Variants in GPR89B observed in about 807,000 individuals in gnomAD.
GPR89B encodes the protein G protein-coupled receptor 89B.
GPR89B carries 25 observed loss-of-function variants against 52.4 expected under a neutral mutation model. That is an observed-to-expected ratio of 0.48 (90% CI 0.35 to 0.67). The LOEUF is 0.67. Ranked by LOEUF, GPR89B falls within the 30% of genes least tolerant of loss-of-function variation. The pLI, the probability that GPR89B is intolerant of heterozygous loss-of-function variation, is 0.01. For synonymous variants in GPR89B, 52 were observed against 151.2 expected, an observed-to-expected ratio of 0.34 and a Z score of 4.81; for missense variants, 146 against 450.2, an observed-to-expected ratio of 0.32 and a Z score of 6.11.
intron 7 of GPR89B, among the ~76,000 whole-genome samples, chr1:147,958,258 G>A (rs1363407654): frequency 1.7e-3 from 264 of 152,122 alleles, no homozygotes; most frequent in Non-Finnish European, 3.1e-3. Flanking sequence ...AAAAAATAGA[G>A]CAAGATTATT....
chr1:147,949,379 T>G (rs868918826), intron 5 of GPR89B, among the ~76,000 whole-genome samples: 5 of 129,858 alleles, frequency 3.9e-5, no homozygotes, highest in Non-Finnish European at 6.6e-5. Context: ...GGTGGCTGGC[T>G]GGGCGGGGGG....
At chr1:148,003,569 G>A in the GPR89B span, among the ~76,000 whole-genome samples, 7 of 152,102 alleles carry the variant, frequency 4.6e-5, no homozygotes, top group East Asian at 1.9e-4. Context: ...CCAGGATACC[G>A]TTGCCCAGAT....
chr1:148,019,564 A>T, the GPR89B span, among the ~76,000 whole-genome samples: 2 of 151,982 alleles, frequency 1.3e-5, no homozygotes, highest in African/African-American at 2.4e-5. Context: ...CATCCTGCAC[A>T]TGTACCCTGA....
intron 10 of GPR89B, among the ~76,000 whole-genome samples, chr1:147,976,149 C>G (rs1657809101): frequency 6.6e-6 from 1 of 152,092 alleles, no homozygotes; most frequent in African/African-American, 2.4e-5. Context: ...GTAGAGAGTT[C>G]TGTAGATATC....
At chr1:147,980,836 A>G (rs1443912664) in intron 10 of GPR89B, among the ~76,000 whole-genome samples, 1 of 149,054 alleles carries the variant, frequency 6.7e-6, no homozygotes, top group Non-Finnish European at 1.5e-5. Flanking sequence ...AAAAAAAAAA[A>G]AAAAAAAAAA....
the GPR89B span, among the ~76,000 whole-genome samples, chr1:148,015,293 A>ATCTCTCTCTCTCTCTC: frequency 1.4e-5 from 1 of 69,882 alleles, no homozygotes. Context: ...GGATTCTAGG[A>ATCTCTCTCTCTCTCTC]TCTCTCTCTC....
the GPR89B span, among the ~76,000 whole-genome samples, chr1:148,023,478 T>G: frequency 8.5e-5 from 12 of 141,580 alleles, no homozygotes; most frequent in African/African-American, 3.3e-4. Flanking sequence ...GATTACTGGT[T>G]GAAAAACAGC....
In GPR89B at chr1:147,985,385, A is replaced by C. The variant is rs1362339750; in HGVS notation, c.910-814A>C. Among the ~76,000 whole-genome samples the C allele has an allele frequency of 2.0e-4, 30 of 152,104 alleles. No individual in the cohort carries two copies. In the East Asian group the frequency reaches 5.6e-3, roughly 28 times the overall value. On this transcript the variant is annotated intron_variant, in intron 10 of 13. Transcript: ENST00000314163. ...AGTGGTTTTTTCATAAGGAATATAT[A>C]GTTGGGTCTTGCATTTTTATCCAAT...
In GPR89B at chr1:147,943,563, C is replaced by T. The variant is rs587611203; in HGVS notation, c.313+19C>T. On this transcript the variant is annotated intron_variant, in intron 4 of 13. Coordinates refer to ENST00000314163, the MANE Select transcript of GPR89B (RefSeq NM_016334.5). The stretch of plus-strand genomic sequence containing the variant: ...CGACTACGTAAGTATTTTACCCTCT[C>T]AGTCAGCGTATAGATTGAGATGAGT... 2.2e-5 allele frequency: 35 copies of T among 1,613,220 alleles called. No individual in the cohort carries two copies. The African/African-American group carries it at 3.1e-4, about 14-fold the overall frequency.
intron 10 of GPR89B, among the ~76,000 whole-genome samples, chr1:147,978,014 C>T (rs1323672010): frequency 1.3e-5 from 2 of 151,556 alleles, no homozygotes; most frequent in Admixed American, 6.6e-5. Flanking sequence ...GCCTCAGCCT[C>T]AGCCCAGTTC....
chr1:148,025,353 T>A, the GPR89B span, among the ~76,000 whole-genome samples: 1 of 151,412 alleles, frequency 6.6e-6, no homozygotes, highest in South Asian at 2.1e-4. Flanking sequence ...TCATAGGATT[T>A]AATAGGTAAA....
chr1:147,977,262 A>AAC (rs1657910984), intron 10 of GPR89B, among the ~76,000 whole-genome samples: 1 of 133,600 alleles, frequency 7.5e-6, no homozygotes, highest in African/African-American at 2.8e-5. Flanking sequence ...AAAAAAAAAA[A>AAC]CAGAATGTTG....
At chr1:147,986,041 G>C (rs1490355222) in intron 10 of GPR89B, among the ~76,000 whole-genome samples, 158 bp from the exon 11 acceptor site, 61 of 152,334 alleles carry the variant, frequency 4.0e-4, no homozygotes, top group African/African-American at 1.4e-3. Flanking sequence ...ATCCGAAATA[G>C]ATTTCCTATA....
At chr1:147,973,103 T>C (rs1360533432) in intron 10 of GPR89B, among the ~76,000 whole-genome samples, 1 of 151,936 alleles carries the variant, frequency 6.6e-6, no homozygotes, top group Non-Finnish European at 1.5e-5. Context: ...CTATTGTGAA[T>C]AGTGCTGCAG....
intron 1 of GPR89B, among the ~76,000 whole-genome samples, chr1:147,932,326 C>A (rs1653715616): frequency 1.3e-5 from 2 of 151,978 alleles, no homozygotes; most frequent in African/African-American, 2.4e-5. Context: ...CTTTCTTAAA[C>A]CCTCTTGTTC....
chr1:147,975,499 A>G (rs1242867072), intron 10 of GPR89B, among the ~76,000 whole-genome samples: 2 of 151,726 alleles, frequency 1.3e-5, no homozygotes, highest in East Asian at 1.9e-4. Flanking sequence ...TTTCTGTGGG[A>G]TCAGTGGTGA....
At chr1:147,936,502 T>A (rs1654101373) in intron 1 of GPR89B, 125 bp from the exon 2 acceptor site, 2 of 703,320 alleles carry the variant, frequency 2.8e-6, no homozygotes, top group South Asian at 3.6e-5. Context: ...TAAGAGTGGA[T>A]CTTATCTTTA....
intron 3 of GPR89B, 103 bp downstream of exon 3, chr1:147,938,920 G>A: frequency 1.3e-6 from 2 of 1,530,534 alleles, no homozygotes; most frequent in Non-Finnish European, 1.8e-6. Flanking sequence ...AAAACACTGT[G>A]TTAATAGTTC....
At chr1:148,018,634 G>T in the GPR89B span, among the ~76,000 whole-genome samples, 1 of 151,484 alleles carries the variant, frequency 6.6e-6, no homozygotes, top group Admixed American at 6.6e-5. Context: ...TGGCAGAAAA[G>T]GGTTAAATAT....
Sources: allele counts gnomAD v4.1 joint callset (sites outside exome capture counted in the v4.1 genomes callset), GRCh38; gene constraint gnomAD v4.1.1; transcripts MANE v1.5; gene names NCBI Gene and HGNC (gene_info 2026-07-23, HGNC 2026-07-21).